The following CMTM8 variants were observed in gnomAD, a reference collection of about 807,000 sequenced individuals.
The protein encoded by CMTM8 is CKLF like MARVEL transmembrane domain containing 8.
In CMTM8, 12 loss-of-function variants were observed where a neutral mutation model predicts 18.6. That is an observed-to-expected ratio of 0.65 (90% CI 0.41 to 1.05). The LOEUF is 1.05. CMTM8 is among the 50% of genes least tolerant of loss of function. CMTM8 has a pLI of 0.00. For synonymous variants in CMTM8, 87 were observed against 90.6 expected (o/e 0.96, Z 0.23); for missense variants, 217 against 227.2 (o/e 0.95, Z 0.29).
intron 1 of CMTM8, among the ~76,000 whole-genome samples, chr3:32,273,201 A>T (rs1032633181): frequency 1.0e-4 from 15 of 149,064 alleles, no homozygotes; most frequent in African/African-American, 3.7e-4. Context: ...GGCTCAAGTG[A>T]TTTGCCCATC....
At chr3:32,268,805 AGTTTAATGACCT>A (rs1440837813) in intron 1 of CMTM8, among the ~76,000 whole-genome samples, 2 of 152,214 alleles carry the variant, frequency 1.3e-5, no homozygotes, top group African/African-American at 4.8e-5. Flanking sequence ...CAGAAGTCTG[AGTTTAATGACCT>A]GTGTTGGAAA....
rs116790204 is a variant in CMTM8, at chr3:32,313,919, G to A, written c.148-43454G>A. The stretch of plus-strand genomic sequence containing the variant: ...GGGTGAAAATTTACTGCTTGAGCCT[G>A]GGAGGTTGAGGCTACAGTGAGCCAT... On this transcript the variant is annotated intron_variant, in intron 1 of 3. Transcript: ENST00000307526. Among the ~76,000 whole-genome samples the A allele has an allele frequency of 2.0e-3, 310 of 152,236 alleles. 2 individuals are homozygous for A. The highest frequency in any genetic ancestry group is 7.2e-3 in the African/African-American group (298 of 41,536).
At position 32,370,069 on chromosome 3, in the gene CMTM8, T is replaced by TA; in HGVS notation, c.*104dup. On this transcript the variant is annotated 3_prime_UTR_variant, in exon 4 of 4. Coordinates refer to ENST00000307526, the MANE Select transcript of CMTM8 (RefSeq NM_178868.5). ...TCCCAGAGAATTGTATTTAACTAAT[T>TA]AATGTTTTTTATATTCTTAAATTTG... 2 of 600,044 alleles carry TA rather than the reference T, an allele frequency of 3.3e-6. No individual in the cohort carries two copies. Among genetic ancestry groups the TA allele is most frequent in the East Asian group, 5.7e-5 (2 of 34,902 alleles). The allele number at this position is 600,044 out of a possible 1,614,324, so 37.2% of individuals were successfully genotyped here.
intron 1 of CMTM8, among the ~76,000 whole-genome samples, chr3:32,344,841 G>A (rs1696563663): frequency 6.6e-6 from 1 of 152,124 alleles, no homozygotes; most frequent in Non-Finnish European, 1.5e-5. Context: ...GCTGCAGTGA[G>A]CTGTAATTGC....
intron 3 of CMTM8, among the ~76,000 whole-genome samples, chr3:32,368,235 G>C (rs1019329952): frequency 2.0e-5 from 3 of 152,220 alleles, no homozygotes; most frequent in Admixed American, 6.5e-5. Context: ...AAGTATTCAA[G>C]GGAGAAAAGC....
In CMTM8 at chr3:32,370,269, C is replaced by T. The variant is rs1051189713; in HGVS notation, c.*302C>T. The T allele has an allele frequency of 6.2e-6, 1 of 161,700 alleles. No homozygotes were observed. The highest frequency in any genetic ancestry group is 2.4e-5 in the African/African-American group (1 of 41,766). 10.0% of individuals were successfully genotyped at this position (161,700 alleles called of 1,614,324 possible). ...ATTGAGAATGTGTCAAGTTTGTAAA[C>T]CTAACTTTTAAGATGCCAGATTCTT... On this transcript the variant is annotated 3_prime_UTR_variant, in exon 4 of 4. Transcript: ENST00000307526.
chr3:32,301,787 G>T (rs995039969), intron 1 of CMTM8, among the ~76,000 whole-genome samples: 1 of 151,962 alleles, frequency 6.6e-6, no homozygotes, highest in South Asian at 2.1e-4. Flanking sequence ...GGTGTGAAAA[G>T]GCAGGTGATG....
At chr3:32,266,566 C>T (rs1575152087) in intron 1 of CMTM8, among the ~76,000 whole-genome samples, 1 of 152,202 alleles carries the variant, frequency 6.6e-6, no homozygotes, top group Non-Finnish European at 1.5e-5. Context: ...CCCTCTCTCA[C>T]CACTCCTATT....
intron 1 of CMTM8, among the ~76,000 whole-genome samples, chr3:32,349,489 G>A (rs1421956989): frequency 6.6e-6 from 1 of 152,058 alleles, no homozygotes; most frequent in Non-Finnish European, 1.5e-5. Flanking sequence ...TCAACTGTGC[G>A]CCTCAATCCA....
intron 1 of CMTM8, among the ~76,000 whole-genome samples, chr3:32,261,362 A>G (rs990996400): frequency 3.3e-5 from 5 of 152,216 alleles, no homozygotes; most frequent in African/African-American, 9.6e-5. Flanking sequence ...ATGATCAATT[A>G]TAGGAATTAA....
intron 1 of CMTM8, among the ~76,000 whole-genome samples, chr3:32,332,639 C>T (rs566868777): frequency 6.6e-6 from 1 of 152,268 alleles, no homozygotes; most frequent in South Asian, 2.1e-4. Context: ...CGCTCAGCCG[C>T]CTCAATCCTT....
chr3:32,272,725 C>G (rs546546918), intron 1 of CMTM8, among the ~76,000 whole-genome samples: 10 of 152,298 alleles, frequency 6.6e-5, no homozygotes, highest in Admixed American at 1.3e-4. Flanking sequence ...AAAGGGACAT[C>G]TTTTCACCCT....
At chr3:32,336,065 G>A (rs561927987) in intron 1 of CMTM8, among the ~76,000 whole-genome samples, 3 of 152,356 alleles carry the variant, frequency 2.0e-5, no homozygotes, top group East Asian at 1.9e-4. Context: ...AATGCTTGGC[G>A]TCTTTGGTGG....
chr3:32,241,210 C>T (rs555897861), intron 1 of CMTM8, among the ~76,000 whole-genome samples: 1 of 152,310 alleles, frequency 6.6e-6, no homozygotes, highest in East Asian at 1.9e-4. Flanking sequence ...CCCTCACCCA[C>T]CCAGTCATAG....
chr3:32,301,344 C>A (rs899726952), intron 1 of CMTM8, among the ~76,000 whole-genome samples: 13 of 144,970 alleles, frequency 9.0e-5, no homozygotes, highest in Admixed American at 3.6e-4. Context: ...CTGACCTTTT[C>A]AAAAAAAAAT....
intron 1 of CMTM8, among the ~76,000 whole-genome samples, chr3:32,298,438 C>CTTTTTTT (rs75095552): frequency 7.2e-6 from 1 of 139,094 alleles, no homozygotes; most frequent in African/African-American, 2.7e-5. Context: ...ACATACCCCC[C>CTTTTTTT]TTTTTTTTTT....
At position 32,370,257 on chromosome 3, in the gene CMTM8, CAA is replaced by C. The variant is rs1695621651; in HGVS notation, c.*291_*292del. ...TAAATTGCTAATATTGAGAATGTGT[CAA>C]GTTTGTAAACCTAACTTTTAAGATG... On this transcript the variant is annotated 3_prime_UTR_variant, in exon 4 of 4. Coordinates refer to ENST00000307526, the MANE Select transcript of CMTM8 (RefSeq NM_178868.5). 1 of 165,924 alleles carries C rather than the reference CAA, an allele frequency of 6.0e-6. No homozygotes were observed. Among genetic ancestry groups the C allele is most frequent in the South Asian group, 1.7e-4 (1 of 5,864 alleles). The allele number at this position is 165,924 out of a possible 1,614,324, so 10.3% of individuals were successfully genotyped here.
intron 1 of CMTM8, among the ~76,000 whole-genome samples, chr3:32,268,558 C>T (rs1470475771): frequency 6.8e-6 from 1 of 147,402 alleles, no homozygotes; most frequent in East Asian, 2.0e-4. Context: ...CAAACTTGCA[C>T]GTTGTGCACA....
chr3:32,369,686 A>G (rs184058172), intron 3 of CMTM8, among the ~76,000 whole-genome samples, 198 bp from the exon 4 acceptor site: 21 of 152,360 alleles, frequency 1.4e-4, no homozygotes, highest in African/African-American at 5.0e-4. Context: ...AGGCTTTCAG[A>G]TGTTCTCCGA....
Sources: gnomAD v4.1 joint callset for allele counts (sites outside exome capture counted in the v4.1 genomes callset) on GRCh38, gnomAD v4.1.1 for gene constraint, MANE v1.5 for transcripts, NCBI Gene and HGNC (gene_info 2026-07-23, HGNC 2026-07-21) for gene names.